Variants in GLT8D2 observed in about 807,000 individuals in gnomAD.
The protein encoded by GLT8D2 is glycosyltransferase 8 domain-containing protein 2.
Under a neutral mutation model 44.5 loss-of-function variants are expected in GLT8D2, and 45 were observed. The ratio of observed to expected loss-of-function variants is 1.01; its 90% CI spans 0.80 to 1.30. The LOEUF (loss-of-function observed/expected upper bound fraction) is 1.30. Among genes scored for constraint, GLT8D2 ranks in the 50% most tolerant of loss-of-function variants. The pLI is 0.00. For missense variants in GLT8D2, 400 were observed against 430.4 expected, an observed-to-expected ratio of 0.93 and a Z score of 0.62; for synonymous variants, 156 against 157.2, an observed-to-expected ratio of 0.99 and a Z score of 0.06.
chr12:104,016,715 GAAAGAA>G (rs1348286058), intron 3 of GLT8D2, among the ~76,000 whole-genome samples: 2 of 35,818 alleles, frequency 5.6e-5, no homozygotes, highest in Admixed American at 3.1e-4. Context: ...GAGAGAGAAA[GAAAGAA>G]AGAAAGAAAG....
chr12:104,036,309 A>C (rs1879922681), intron 1 of GLT8D2, among the ~76,000 whole-genome samples: 1 of 152,248 alleles, frequency 6.6e-6, no homozygotes, highest in South Asian at 2.1e-4. Context: ...CACACATAAC[A>C]ATATTAACCT....
upstream of GLT8D2, among the ~76,000 whole-genome samples, chr12:104,052,556 G>T (rs1007207717): frequency 6.6e-6 from 1 of 152,160 alleles, no homozygotes; most frequent in African/African-American, 2.4e-5. Context: ...CAACAGTAGC[G>T]TTAAGTGGCA....
intron 10 of GLT8D2, among the ~76,000 whole-genome samples, chr12:103,991,526 C>T (rs1566188113): frequency 6.6e-6 from 1 of 151,100 alleles, no homozygotes. Context: ...CTGAGTCTGT[C>T]TCAAGATCAT....
rs1441846428 is a variant in GLT8D2 at position 104,049,892 on chromosome 12, T to C, written c.-164+3A>G. The C allele has an allele frequency of 1.3e-5, 2 of 152,262 alleles. No individual in the cohort carries two copies. The highest frequency in any genetic ancestry group is 2.9e-5 in the Non-Finnish European group (2 of 68,082). 9.4% of individuals were successfully genotyped at this position (152,262 alleles called of 1,614,324 possible). On this transcript the variant is annotated splice_donor_region_variant and intron_variant, in intron 1 of 10. Transcript: ENST00000360814. ...CACACTGCTCGTAAATTTCTCTATT[T>C]ACCTGGTGAATGGTGAGGGTAGGGC...
intron 3 of GLT8D2, among the ~76,000 whole-genome samples, chr12:104,018,206 A>C (rs1465576233): frequency 6.6e-6 from 1 of 152,124 alleles, no homozygotes; most frequent in Non-Finnish European, 1.5e-5. Context: ...TCCTGGACTC[A>C]AGCAATCCAC....
intron 10 of GLT8D2, among the ~76,000 whole-genome samples, chr12:103,991,732 A>G (rs191600749): frequency 2.0e-5 from 3 of 151,966 alleles, no homozygotes; most frequent in Admixed American, 1.3e-4. Flanking sequence ...ATACATGCTC[A>G]GGAAAATCAG....
At chr12:104,017,650 A>G (rs1197100641) in intron 3 of GLT8D2, among the ~76,000 whole-genome samples, 1 of 152,132 alleles carries the variant, frequency 6.6e-6, no homozygotes, top group East Asian at 1.9e-4. Context: ...AATGTTTAGG[A>G]CAGAAGGAAC....
At chr12:104,006,083 G>A (rs1235678976) in intron 4 of GLT8D2, among the ~76,000 whole-genome samples, 1 of 152,134 alleles carries the variant, frequency 6.6e-6, no homozygotes, top group Non-Finnish European at 1.5e-5. Flanking sequence ...GTCCTTTGTA[G>A]GGACATGGAT....
chr12:104,019,664 T>C lies in GLT8D2; in HGVS notation c.-16A>G, dbSNP rs774691157. ...ACAGAGCCATGTGTATTCACGCGGA[T>C]AAGAACTGTAACCTGTGGATTAAAG... On this transcript the variant is annotated 5_prime_UTR_variant, in exon 3 of 11. Coordinates refer to ENST00000360814, the MANE Select transcript of GLT8D2 (RefSeq NM_001384711.1). 3 of 1,606,984 alleles carry C rather than the reference T, an allele frequency of 1.9e-6. No individual in the cohort carries two copies. The highest frequency in any genetic ancestry group is 2.6e-6 in the Non-Finnish European group (3 of 1,175,330).
intron 1 of GLT8D2, among the ~76,000 whole-genome samples, chr12:104,029,141 T>G (rs1279243738): frequency 6.6e-6 from 1 of 151,992 alleles, no homozygotes; most frequent in Non-Finnish European, 1.5e-5. Flanking sequence ...AACACAAAAA[T>G]TAGCTGGGCA....
intron 1 of GLT8D2, among the ~76,000 whole-genome samples, chr12:104,059,806 C>T (rs951646384): frequency 1.3e-5 from 2 of 152,092 alleles, no homozygotes; most frequent in African/African-American, 2.4e-5. Flanking sequence ...TGTGCTCTTC[C>T]GACCTTTTGT....
At chr12:104,016,006 CA>C (rs1426564319) in intron 3 of GLT8D2, among the ~76,000 whole-genome samples, 1 of 152,136 alleles carries the variant, frequency 6.6e-6, no homozygotes, top group African/African-American at 2.4e-5. Flanking sequence ...CAAAACAAAA[CA>C]AAAACGTATC....
rs188451893 is a variant in GLT8D2, at chr12:104,022,001, A to G, written c.-163-510T>C. Among the ~76,000 whole-genome samples the G allele has an allele frequency of 1.3e-3, 83 of 64,784 alleles. 13 individuals carry two copies. The highest frequency in any genetic ancestry group is 5.4e-3 in the African/African-American group (70 of 12,874). The allele number at this position is 64,784 out of a possible 152,430, so 42.5% of individuals were successfully genotyped here. On this transcript the variant is annotated intron_variant, in intron 1 of 10. Transcript: ENST00000360814. ...AGGAAGAGGAAGAAGAAGAAGAAGA[A>G]GAAGAAGAAGAAGAAGAAGAAAAAG...
intron 6 of GLT8D2, among the ~76,000 whole-genome samples, chr12:103,998,164 A>G (rs911677271): frequency 1.3e-5 from 2 of 152,182 alleles, no homozygotes; most frequent in African/African-American, 4.8e-5. Flanking sequence ...TCAGGGATGA[A>G]TTTAAGTAAC....
At chr12:104,024,122 C>T (rs184044965) in intron 1 of GLT8D2, among the ~76,000 whole-genome samples, 1 of 152,294 alleles carries the variant, frequency 6.6e-6, no homozygotes, top group Admixed American at 6.5e-5. Context: ...TGGCTCATGC[C>T]TATAATCCCT....
intron 4 of GLT8D2, among the ~76,000 whole-genome samples, chr12:104,004,369 G>A (rs900074288): frequency 2.6e-5 from 4 of 152,170 alleles, no homozygotes; most frequent in Non-Finnish European, 5.9e-5. Context: ...AGTGTTGGAA[G>A]TTCTGGCCAG....
intron 1 of GLT8D2, among the ~76,000 whole-genome samples, chr12:104,024,276 G>A (rs1878279383): frequency 6.6e-6 from 1 of 151,956 alleles, no homozygotes; most frequent in Non-Finnish European, 1.5e-5. Flanking sequence ...GGGAGTTAGA[G>A]AAAAAAATTT....
chr12:104,052,899 A>G (rs898376321), upstream of GLT8D2, among the ~76,000 whole-genome samples: 34 of 152,142 alleles, frequency 2.2e-4, no homozygotes, highest in African/African-American at 8.0e-4. Context: ...AGCAAGTTGT[A>G]CCTTATTTTA....
chr12:104,050,615 C>CA (rs1881619015), upstream of GLT8D2, among the ~76,000 whole-genome samples: 1 of 152,084 alleles, frequency 6.6e-6, no homozygotes, highest in Non-Finnish European at 1.5e-5. Flanking sequence ...ACCTCAACAG[C>CA]AATCTGCGCT....
Sources: gnomAD v4.1 joint callset for allele counts (sites outside exome capture counted in the v4.1 genomes callset) on GRCh38, gnomAD v4.1.1 for gene constraint, MANE v1.5 for transcripts, NCBI Gene and HGNC (gene_info 2026-07-23, HGNC 2026-07-21) for gene names.